ADD2: variants seen among roughly 807,000 people sequenced by gnomAD.
ADD2 encodes beta-adducin.
ADD2 carries 23 observed loss-of-function variants against 83.0 expected under a neutral mutation model. The observed-to-expected ratio is 0.28, with a 90% CI of 0.20 to 0.39. ADD2 has a LOEUF of 0.39. Among genes scored for constraint, ADD2 ranks in the 10% least tolerant of loss-of-function variants. The pLI, the probability that ADD2 is intolerant of heterozygous loss-of-function variation, is 1.00. For missense variants in ADD2, 758 were observed against 944.9 expected (o/e 0.80, Z 2.59); for synonymous variants, 375 against 375.4 (o/e 1.00, Z 0.01).
chr2:70,731,550 C>T (rs966805175), intron 1 of ADD2, among the ~76,000 whole-genome samples: 11 of 152,108 alleles, frequency 7.2e-5, no homozygotes, highest in Admixed American at 5.9e-4. Context: ...TCACCATATC[C>T]CCAGCACCCA....
intron 1 of ADD2, among the ~76,000 whole-genome samples, chr2:70,742,660 C>T (rs1057067996): frequency 1.3e-5 from 2 of 152,140 alleles, no homozygotes; most frequent in African/African-American, 2.4e-5. Context: ...AAGAGGAATG[C>T]CGCAAAGAAA....
rs1417338798 is a variant in ADD2 at position 70,662,666 on chromosome 2, T to C, written c.*759A>G. The C allele has an allele frequency of 6.6e-6, 1 of 152,246 alleles. No individual in the cohort carries two copies. Among genetic ancestry groups the C allele is most frequent in the East Asian group, 1.9e-4 (1 of 5,200 alleles). 9.4% of individuals were successfully genotyped at this position (152,246 alleles called of 1,614,324 possible). ...CCTATGCTAAATTTGGTTTTAGTTTTGAAGTGCCTGAGATGCACAATTCAA... is the reference window on the plus strand; with the variant it reads ...CCTATGCTAAATTTGGTTTTAGTTTCGAAGTGCCTGAGATGCACAATTCAA... On this transcript the variant is annotated 3_prime_UTR_variant, in exon 16 of 16. Coordinates refer to ENST00000264436, the MANE Select transcript of ADD2 (RefSeq NM_001617.4).
At chr2:70,722,821 C>T (rs1338515159) in intron 1 of ADD2, among the ~76,000 whole-genome samples, 1 of 152,182 alleles carries the variant, frequency 6.6e-6, no homozygotes, top group African/African-American at 2.4e-5. Context: ...ATTGACCCAC[C>T]ACCTATATTT....
chr2:70,683,715 T>C lies in ADD2; in HGVS notation c.1001A>G (p.Gln334Arg). The change falls in exon 10 of 16, where the codon CAG (glutamine) becomes CGG (arginine). Residue 334 changes from glutamine to arginine, a missense_variant. This residue lies in a region of ADD2 where 394 missense variants were observed against 509.3 expected (regional missense o/e 0.77). Coordinates refer to ENST00000264436, the MANE Select transcript of ADD2 (RefSeq NM_001617.4). ...CACCTCATGGGGCCGGTGCTTCTCC[T>C]GCTCCAGGAGGATGAGGTTCTCCAC... ...GGVENLILLEQEKHRPHEVGS... is the reference protein window; with the variant it reads ...GGVENLILLEREKHRPHEVGS... 6.2e-7 allele frequency: 1 copy of C among 1,614,126 alleles called. No homozygotes were observed. The highest frequency in any genetic ancestry group is 8.5e-7 in the Non-Finnish European group (1 of 1,179,986).
At chr2:70,702,472 TTA>T (rs1388029264) in intron 4 of ADD2, among the ~76,000 whole-genome samples, 1 of 152,190 alleles carries the variant, frequency 6.6e-6, no homozygotes, top group African/African-American at 2.4e-5. Context: ...TGGCCTAAAG[TTA>T]TTGTAAAGAA....
chr2:70,703,473 G>A (rs1023198075), intron 4 of ADD2, among the ~76,000 whole-genome samples: 1 of 152,228 alleles, frequency 6.6e-6, no homozygotes, highest in Non-Finnish European at 1.5e-5. Context: ...GAGAAAGGAT[G>A]TAATCTGCCA....
chr2:70,693,531 C>A (rs3755375), intron 6 of ADD2, among the ~76,000 whole-genome samples: 1 of 151,942 alleles, frequency 6.6e-6, no homozygotes, highest in African/African-American at 2.4e-5. Flanking sequence ...CTAATGTGGG[C>A]GGAGGGATGT....
chr2:70,704,264 C>CGG, intron 4 of ADD2, 57 bp downstream of exon 4: 14 of 425,202 alleles, frequency 3.3e-5, no homozygotes, highest in Non-Finnish European at 5.8e-5. Flanking sequence ...TCCCTCTCTT[C>CGG]CCCACCCCAC....
chr2:70,686,411 G>A (rs75121559), intron 9 of ADD2, among the ~76,000 whole-genome samples: 2,843 of 152,262 alleles, frequency 0.019, 56 homozygotes, highest in Non-Finnish European at 0.027. Flanking sequence ...GAAGGGGGCT[G>A]TCAGGTACAG....
chr2:70,767,030 G>C (rs945440770), intron 1 of ADD2, among the ~76,000 whole-genome samples: 1 of 152,190 alleles, frequency 6.6e-6, no homozygotes, highest in East Asian at 1.9e-4. Context: ...GGAAGGAAGA[G>C]AAAAGGCAAG....
rs1377418100 is a variant in ADD2 at position 70,676,572 on chromosome 2, TG to T, written c.1593+223del. 5.7e-6 allele frequency: 8 copies of T among 1,415,776 alleles called. No individual in the cohort carries two copies. Among genetic ancestry groups the T allele is most frequent in the Non-Finnish European group, 6.5e-6 (7 of 1,079,854 alleles). 87.7% of individuals were successfully genotyped at this position (1,415,776 alleles called of 1,614,324 possible). A position where few individuals can be genotyped will look rare whatever the true frequency, so the allele number is the denominator to read the frequency against. ...CACTCCTGCAGGCAGGCTGGGCTGCTGTTCTCCAGCCCAGTGCCCACAGGGG... is the reference window on the plus strand; with the variant it reads ...CACTCCTGCAGGCAGGCTGGGCTGCTTTCTCCAGCCCAGTGCCCACAGGGG... On this transcript the variant is annotated intron_variant, in intron 13 of 15. Coordinates refer to ENST00000264436, the MANE Select transcript of ADD2 (RefSeq NM_001617.4). This position sits in a 1 kb window ranked among gnomAD's most constrained non-coding sequence, Gnocchi z 4.8.
chr2:70,683,276 C>G (rs1191020034), intron 10 of ADD2, among the ~76,000 whole-genome samples: 2 of 152,040 alleles, frequency 1.3e-5, no homozygotes, highest in African/African-American at 4.8e-5. Context: ...ATCTGCCTGC[C>G]TCGGCCTCCC....
intron 1 of ADD2, among the ~76,000 whole-genome samples, chr2:70,752,414 A>T (rs1674552743): frequency 6.6e-6 from 1 of 152,178 alleles, no homozygotes; most frequent in Admixed American, 6.5e-5. Context: ...GGTTATTGTG[A>T]TGATTAGACT....
Position 70,678,832 on chromosome 2 carries a change from G to C in ADD2, c.1255C>G (p.Leu419Val). The change falls in exon 11 of 16, where the codon CTG (leucine) becomes GTG (valine). Residue 419 changes from leucine (L) to valine (V), a missense_variant. Leu to Val is a conservative substitution (Grantham distance 32, BLOSUM62 1). Transcript: ENST00000264436. ...TGCTGCTTCTGGGCATGCTGTCGCA[G>C]GGCGGGCACCGGGGCACCGTCCTCC... ...FEEDGAPVPA[L>V]RQHAQKQQKE... 6.2e-7 allele frequency: 1 copy of C among 1,614,198 alleles called. No individual in the cohort carries two copies. Among genetic ancestry groups the C allele is most frequent in the Non-Finnish European group, 8.5e-7 (1 of 1,180,038 alleles).
intron 13 of ADD2, chr2:70,675,361 TGTAA>T: frequency 1.0e-6 from 1 of 986,014 alleles, no homozygotes; most frequent in Non-Finnish European, 1.2e-6. Flanking sequence ...CACACACAGT[TGTAA>T]GTGACAAAGG....
At chr2:70,758,890 C>T (rs1674936329) in intron 1 of ADD2, among the ~76,000 whole-genome samples, 1 of 152,144 alleles carries the variant, frequency 6.6e-6, no homozygotes, top group South Asian at 2.1e-4. Context: ...TCCAGAGTTT[C>T]AGCCAGGGGC....
chr2:70,686,156 C>T (rs1670712971), intron 9 of ADD2, among the ~76,000 whole-genome samples: 1 of 152,350 alleles, frequency 6.6e-6, no homozygotes, highest in African/African-American at 2.4e-5. Context: ...CTCCCAGCGG[C>T]ACCTGCAGTC....
At position 70,676,035 on chromosome 2, in the gene ADD2, TG is replaced by T. The variant is rs1670122601; in HGVS notation, c.1593+760del. ...CTCCTGCCAATGGGCACCCACCCTG[TG>T]GGCTGCAGTCTTGACCTGAAATCAT... On this transcript the variant is annotated intron_variant, in intron 13 of 15. Coordinates refer to ENST00000264436, the MANE Select transcript of ADD2 (RefSeq NM_001617.4). The surrounding 1 kb of genome is among the most constrained non-coding windows in gnomAD (Gnocchi z 4.8). The T allele has an allele frequency of 1.0e-5, 10 of 985,314 alleles. No homozygotes were observed. Among genetic ancestry groups the T allele is most frequent in the Non-Finnish European group, 1.2e-5 (10 of 829,946 alleles). 61.0% of individuals were successfully genotyped at this position (985,314 alleles called of 1,614,324 possible). A position where few individuals can be genotyped will look rare whatever the true frequency, so the allele number is the denominator to read the frequency against.
intron 1 of ADD2, among the ~76,000 whole-genome samples, chr2:70,739,717 G>A (rs114627819): frequency 0.02 from 3,018 of 152,342 alleles, 49 homozygotes; most frequent in Middle Eastern, 0.027. Flanking sequence ...CACATCCTTC[G>A]CAGGCACATG....
Sources: gnomAD v4.1 joint callset for allele counts (sites outside exome capture counted in the v4.1 genomes callset) on GRCh38, gnomAD v4.1.1 for gene constraint, gnomAD v4.1.1 regional missense constraint, Gnocchi (gnomAD v3.1) non-coding constraint, MANE v1.5 for transcripts, NCBI Gene and HGNC (gene_info 2026-07-23, HGNC 2026-07-21) for gene names.